The following RAG1 variants were observed in gnomAD, a reference collection of about 807,000 sequenced individuals.
RAG1 encodes V(D)J recombination-activating protein 1.
A neutral mutation model predicts 62.7 loss-of-function variants in RAG1; 35 were observed. That is an observed-to-expected ratio of 0.56 (90% CI 0.43 to 0.74). The LOEUF (loss-of-function observed/expected upper bound fraction) is 0.74. Among genes scored for constraint, RAG1 ranks in the 30% least tolerant of loss-of-function variants. The probability of loss-of-function intolerance (pLI) is 0.00; values close to 1 mark genes in which losing one functional copy is unlikely to be tolerated. For synonymous variants in RAG1, 461 were observed against 470.3 expected (o/e 0.98, Z 0.26); for missense variants, 1,169 against 1,278.6 (o/e 0.91, Z 1.31).
chr11:36,543,117 C>T (rs1318356524), intron 3 of RAG1, among the ~76,000 whole-genome samples: 2 of 152,154 alleles, frequency 1.3e-5, no homozygotes, highest in African/African-American at 4.8e-5. Flanking sequence ...CATTATGGCT[C>T]AGGGATGGCA....
chr11:36,521,981 G>A (rs1322086262), intron 2 of RAG1, among the ~76,000 whole-genome samples: 1 of 152,074 alleles, frequency 6.6e-6, no homozygotes, highest in African/African-American at 2.4e-5. Context: ...TTCAAGAGGT[G>A]GCTTGGGTGC....
In RAG1 at chr11:36,579,379, G is replaced by C. The variant is rs1157716505; in HGVS notation, c.*2943G>C. The C allele has an allele frequency of 1.8e-5, 3 of 166,936 alleles. No individual in the cohort carries two copies. The Admixed American group carries it at 2.0e-4, about 11-fold the overall frequency. The allele number at this position is 166,936 out of a possible 1,614,324, so 10.3% of individuals were successfully genotyped here. A position where few individuals can be genotyped will look rare whatever the true frequency, so the allele number is the denominator to read the frequency against. On this transcript the variant is annotated 3_prime_UTR_variant, in exon 2 of 2. Transcript: ENST00000299440. ...TTTGATGTTAAAAGATTTTAAGTAA[G>C]AGTAGATACATTGTACCCATTTTAC...
In RAG1 at chr11:36,545,340, G is replaced by A. The variant is rs151250629; in HGVS notation, c.-412+9306G>A. Among the ~76,000 whole-genome samples, 343 of 152,218 alleles carry A rather than the reference G, an allele frequency of 2.3e-3. 2 individuals are homozygous for A. The highest frequency in any genetic ancestry group is 8.0e-3 in the African/African-American group (331 of 41,526). On this transcript the variant is annotated intron_variant and NMD_transcript_variant, in intron 3 of 9. Coordinates refer to the RAG1 transcript ENST00000534663. ...TGAAGAGGGAGTTAAGATTAAGGGA[G>A]GTTATAAGGGTGGGCTTGAATTCAA...
intron 1 of RAG1, 100 bp from the exon 2 acceptor site, chr11:36,573,191 C>T (rs1850774268): frequency 4.2e-6 from 5 of 1,181,786 alleles, no homozygotes; most frequent in Non-Finnish European, 6.0e-6. Context: ...TTTTGGAATA[C>T]ATGAATAAAT....
chr11:36,516,084 T>G lies in RAG1; in HGVS notation n.331-4048T>G, dbSNP rs140626618. Among the ~76,000 whole-genome samples, 59 of 152,340 alleles carry G rather than the reference T, an allele frequency of 3.9e-4. No individual in the cohort carries two copies. In the East Asian group the frequency reaches 0.01, roughly 26 times the overall value. On this transcript the variant is annotated intron_variant and non_coding_transcript_variant, in intron 1 of 2. Transcript: ENST00000529126. ...ATCCACTGCATTGGAGCCAGTTTTGTTCTTAATTTTGCCGCTGTTCATCAA... is the reference window on the plus strand; with the variant it reads ...ATCCACTGCATTGGAGCCAGTTTTGGTCTTAATTTTGCCGCTGTTCATCAA...
At position 36,573,500 on chromosome 11, in the gene RAG1, C is replaced by T; in HGVS notation, c.196C>T (p.Leu66=). ...CTCTCTGGAGCAATCTCCAGCAGTC[C>T]TGGACAAGGCTGATGGTCAGAAGCC... is the stretch of plus-strand genomic sequence containing the variant. ...KPSLEQSPAV[L]DKADGQKPVP... The change falls in exon 2 of 2, where the codon CTG becomes TTG. Residue 66 remains leucine, a synonymous_variant. Transcript: ENST00000299440. 6.2e-7 allele frequency: 1 copy of T among 1,614,170 alleles called. No homozygotes were observed. Among genetic ancestry groups the T allele is most frequent in the Non-Finnish European group, 8.5e-7 (1 of 1,180,036 alleles).
At chr11:36,540,794 G>A (rs948026831), downstream of RAG1, among the ~76,000 whole-genome samples, 1 of 152,162 alleles carries the variant, frequency 6.6e-6, no homozygotes, top group East Asian at 1.9e-4. Flanking sequence ...TGTATGGTCC[G>A]AACTGTGGTT....
Position 36,577,646 on chromosome 11 carries a change from T to C in RAG1, c.*1210T>C, listed in dbSNP as rs1343195964. On this transcript the variant is annotated 3_prime_UTR_variant, in exon 2 of 2. Coordinates refer to ENST00000299440, the MANE Select transcript of RAG1 (RefSeq NM_000448.3). ...CACTCATTTTTCCTTACAACAATTC[T>C]GAGGAGTAGGTGTTGTTATTATCTC... The C allele has an allele frequency of 1.2e-5, 2 of 167,110 alleles. No homozygotes were observed. The highest frequency in any genetic ancestry group is 1.3e-4 in the Admixed American group (2 of 15,288). The allele number at this position is 167,110 out of a possible 1,614,324, so 10.4% of individuals were successfully genotyped here. A position where few individuals can be genotyped will look rare whatever the true frequency, so the allele number is the denominator to read the frequency against.
chr11:36,528,996 T>A (rs1315207920), intron 2 of RAG1, among the ~76,000 whole-genome samples: 1 of 152,122 alleles, frequency 6.6e-6, no homozygotes, highest in African/African-American at 2.4e-5. Context: ...ATTGGGGCAA[T>A]AATTAATACC....
chr11:36,561,242 T>C (rs145549949), intron 3 of RAG1, among the ~76,000 whole-genome samples: 66 of 152,340 alleles, frequency 4.3e-4, no homozygotes, highest in African/African-American at 1.5e-3. Flanking sequence ...TTCCACACTG[T>C]ACAAGGTACC....
downstream of RAG1, among the ~76,000 whole-genome samples, chr11:36,537,089 C>T (rs1860342632): frequency 2.0e-5 from 3 of 151,772 alleles, no homozygotes; most frequent in Non-Finnish European, 4.4e-5. Flanking sequence ...AAACAAACAA[C>T]AACAATAAAA....
intron 2 of RAG1, among the ~76,000 whole-genome samples, chr11:36,530,216 T>C (rs546116334): frequency 6.6e-6 from 1 of 152,168 alleles, no homozygotes; most frequent in South Asian, 2.1e-4. Flanking sequence ...GTTTTTCCTT[T>C]GTTCATCTTG....
chr11:36,561,814 T>C (rs1166420759), intron 3 of RAG1, among the ~76,000 whole-genome samples: 2 of 152,332 alleles, frequency 1.3e-5, no homozygotes, highest in East Asian at 3.9e-4. Flanking sequence ...TGGCAGAGTG[T>C]GATAGCCTCC....
chr11:36,544,104 G>A (rs1850355723), intron 3 of RAG1, among the ~76,000 whole-genome samples: 1 of 152,140 alleles, frequency 6.6e-6, no homozygotes, highest in Non-Finnish European at 1.5e-5. Flanking sequence ...CTTTTTTAGG[G>A]TAGGTACAAT....
At chr11:36,525,630 A>T (rs1860148419) in intron 2 of RAG1, among the ~76,000 whole-genome samples, 4 of 152,088 alleles carry the variant, frequency 2.6e-5, no homozygotes, top group Admixed American at 2.6e-4. Context: ...GTTTTGTTAG[A>T]TTTATAGCTA....
chr11:36,548,532 A>G (rs941035231), intron 3 of RAG1, among the ~76,000 whole-genome samples: 3 of 152,224 alleles, frequency 2.0e-5, no homozygotes, highest in Non-Finnish European at 4.4e-5. Context: ...ATTGCTACAA[A>G]AAAAATAAAA....
chr11:36,515,049 C>T (rs934007532), intron 1 of RAG1, among the ~76,000 whole-genome samples: 1 of 152,120 alleles, frequency 6.6e-6, no homozygotes, highest in African/African-American at 2.4e-5. Context: ...TGGGCATACT[C>T]CTGAGGGGAC....
Position 36,573,946 on chromosome 11 carries a change from C to T in RAG1, c.642C>T (p.Cys214=). 1.2e-6 allele frequency: 2 copies of T among 1,614,130 alleles called. No individual in the cohort carries two copies. Among genetic ancestry groups the T allele is most frequent in the East Asian group, 2.2e-5 (1 of 44,872 alleles). ...CCCACACACCATCCTGTGACATCTGCAACACTGCCCGTCGGGGACTCAAGA... is the reference window on the plus strand; with the variant it reads ...CCCACACACCATCCTGTGACATCTGTAACACTGCCCGTCGGGGACTCAAGA... The part of the protein sequence containing the change: ...WHPHTPSCDI[C]NTARRGLKRK... Residue 214 remains cysteine, a synonymous_variant, in exon 2 of 2, where the codon TGC becomes TGT. Transcript: ENST00000299440.
upstream of RAG1, among the ~76,000 whole-genome samples, chr11:36,565,553 C>G (rs1850650490): frequency 6.6e-6 from 1 of 152,162 alleles, no homozygotes; most frequent in Admixed American, 6.5e-5. Flanking sequence ...TCTAGTTCAC[C>G]CTTTTCGTTC....
Sources: allele counts gnomAD v4.1 joint callset (sites outside exome capture counted in the v4.1 genomes callset), GRCh38; gene constraint gnomAD v4.1.1; transcripts MANE v1.5; gene names NCBI Gene and HGNC (gene_info 2026-07-23, HGNC 2026-07-21).